SESTD1: variants seen among roughly 807,000 people sequenced by gnomAD.
SESTD1 encodes the protein SEC14 domain and spectrin repeat-containing protein 1.
SESTD1 carries 43 observed loss-of-function variants against 101.7 expected under a neutral mutation model. The observed-to-expected ratio is 0.42, with a 90% CI of 0.33 to 0.55. The LOEUF is 0.55. Among genes scored for constraint, SESTD1 ranks in the 20% least tolerant of loss-of-function variants. The pLI is 0.07. For missense variants in SESTD1, 647 were observed against 815.1 expected (o/e 0.79, Z 2.51); for synonymous variants, 283 against 286.8 (o/e 0.99, Z 0.13).
At chr2:179,261,188 G>A (rs1044705634) in intron 1 of SESTD1, among the ~76,000 whole-genome samples, 21 of 152,164 alleles carry the variant, frequency 1.4e-4, no homozygotes, top group Admixed American at 6.5e-5. Context: ...AGAAGAAAAG[G>A]AATTTATTTG....
intron 9 of SESTD1, among the ~76,000 whole-genome samples, chr2:179,142,917 T>C (rs1378191461): frequency 6.6e-6 from 1 of 152,206 alleles, no homozygotes; most frequent in Non-Finnish European, 1.5e-5. Flanking sequence ...GAGGAATCAC[T>C]TAATAAATGT....
chr2:179,116,467 C>T (rs183032560), intron 15 of SESTD1: 10 of 698,916 alleles, frequency 1.4e-5, no homozygotes, highest in African/African-American at 8.9e-5. Context: ...CCATGCAGAA[C>T]ATGTATTCAG....
intron 6 of SESTD1, among the ~76,000 whole-genome samples, chr2:179,149,844 G>A (rs1476434850): frequency 1.3e-5 from 2 of 152,286 alleles, no homozygotes; most frequent in Admixed American, 6.5e-5. Flanking sequence ...TAATTTTAAT[G>A]ATTTCTTCAA....
At chr2:179,255,997 T>TA (rs1008792250) in intron 1 of SESTD1, among the ~76,000 whole-genome samples, 4 of 151,986 alleles carry the variant, frequency 2.6e-5, no homozygotes, top group Admixed American at 2.6e-4. Context: ...CTTTTAAGCC[T>TA]ACTATTAAGA....
chr2:179,186,404 T>C (rs11897308), intron 2 of SESTD1, among the ~76,000 whole-genome samples: 13,988 of 152,132 alleles, frequency 0.092, 2,127 homozygotes, highest in African/African-American at 0.32. Flanking sequence ...CAAGTGTATA[T>C]AAACAGTTTT....
At chr2:179,177,221 C>T (rs2046026716) in intron 3 of SESTD1, among the ~76,000 whole-genome samples, 1 of 152,166 alleles carries the variant, frequency 6.6e-6, no homozygotes, top group Non-Finnish European at 1.5e-5. Flanking sequence ...GAAGTCTAAC[C>T]TAGTAAAACG....
chr2:179,176,412 T>C (rs891034743), intron 4 of SESTD1, 36 bp downstream of exon 4: 2 of 1,516,934 alleles, frequency 1.3e-6, no homozygotes, highest in African/African-American at 2.7e-5. Context: ...TGCTGTAAAA[T>C]AAAAACCATT....
Position 179,105,570 on chromosome 2 carries a change from A to T in SESTD1, c.*4329T>A, listed in dbSNP as rs904967662. 4 of 152,124 alleles carry T rather than the reference A, an allele frequency of 2.6e-5. No homozygotes were observed. In the East Asian group the frequency reaches 5.8e-4, roughly 22 times the overall value. The allele number at this position is 152,124 out of a possible 1,614,324, so 9.4% of individuals were successfully genotyped here. On this transcript the variant is annotated 3_prime_UTR_variant, in exon 18 of 18. Transcript: ENST00000428443. ...GGGTGGGGCGGCGAACATAGGCAAT[A>T]TGCCATTTCCTCACCATCCCATGCT...
chr2:179,176,354 G>T, intron 4 of SESTD1, 94 bp downstream of exon 4: 1 of 898,838 alleles, frequency 1.1e-6, no homozygotes, highest in Non-Finnish European at 1.8e-6. Context: ...AGGAAGCCAG[G>T]CACAGTCCAA....
In SESTD1 at chr2:179,124,440, T is replaced by C; in HGVS notation, c.1091A>G (p.Tyr364Cys). 2 of 1,614,154 alleles carry C rather than the reference T, an allele frequency of 1.2e-6. No homozygotes were observed. Among genetic ancestry groups the C allele is most frequent in the Non-Finnish European group, 1.7e-6 (2 of 1,180,002 alleles). The change falls in exon 11 of 18, where the codon TAT (tyrosine) becomes TGT (cysteine). Residue 364 changes from tyrosine (Y) to cysteine (C), a missense_variant. By Grantham distance (194) the Tyr-to-Cys change is radical. Coordinates refer to ENST00000428443, the MANE Select transcript of SESTD1 (RefSeq NM_178123.5). ...AAATTCCAGCTGACTGGCCTGTCGATAACAAACATCACTAAGTTGTTGCTG... is the reference window on the plus strand; with the variant it reads ...AAATTCCAGCTGACTGGCCTGTCGACAACAAACATCACTAAGTTGTTGCTG... ...SLQQQLSDVC[Y>C]RQASQLEFRQ...
chr2:179,204,572 C>A (rs912589387), intron 1 of SESTD1, among the ~76,000 whole-genome samples: 1 of 134,876 alleles, frequency 7.4e-6, no homozygotes, highest in African/African-American at 2.9e-5. Flanking sequence ...ATGTTCAGGA[C>A]AATTTGAATC....
chr2:179,212,583 AGACAACTTC>A (rs1388094914), intron 1 of SESTD1, among the ~76,000 whole-genome samples: 2 of 136,402 alleles, frequency 1.5e-5, no homozygotes, highest in East Asian at 4.0e-4. Context: ...AAGAGGCAGC[AGACAACTTC>A]TGCAGACTTA....
At chr2:179,112,287 G>A (rs1318398379) in intron 17 of SESTD1, among the ~76,000 whole-genome samples, 1 of 152,154 alleles carries the variant, frequency 6.6e-6, no homozygotes, top group Admixed American at 6.5e-5. Flanking sequence ...TTCTTCATTT[G>A]TAAATCAGGA....
intron 10 of SESTD1, among the ~76,000 whole-genome samples, chr2:179,124,827 T>C (rs988003430): frequency 1.3e-5 from 2 of 152,160 alleles, no homozygotes; most frequent in Non-Finnish European, 2.9e-5. Flanking sequence ...ACTGTTTCCA[T>C]GTCTGACATA....
At chr2:179,222,207 T>C (rs1037201916) in intron 1 of SESTD1, among the ~76,000 whole-genome samples, 13 of 152,020 alleles carry the variant, frequency 8.6e-5, no homozygotes, top group Non-Finnish European at 1.9e-4. Context: ...TTCCAAAGAG[T>C]TGTTCTCCCT....
intron 5 of SESTD1, among the ~76,000 whole-genome samples, chr2:179,158,351 G>A (rs2045669015): frequency 6.6e-6 from 1 of 152,090 alleles, no homozygotes; most frequent in Non-Finnish European, 1.5e-5. Flanking sequence ...ACACTGGTTA[G>A]CCTTACCATA....
chr2:179,152,681 T>C (rs1044796942), intron 5 of SESTD1, among the ~76,000 whole-genome samples: 8 of 152,078 alleles, frequency 5.3e-5, no homozygotes, highest in African/African-American at 1.4e-4. Flanking sequence ...GAAAATTTCA[T>C]CCTCAGGAAG....
chr2:179,251,852 C>T (rs1035760858), intron 1 of SESTD1, among the ~76,000 whole-genome samples: 1 of 152,112 alleles, frequency 6.6e-6, no homozygotes, highest in Non-Finnish European at 1.5e-5. Flanking sequence ...CAAAATCTGC[C>T]GTGCTTGGAT....
intron 17 of SESTD1, among the ~76,000 whole-genome samples, chr2:179,111,333 T>TG (rs112079429): frequency 1.3e-5 from 2 of 152,360 alleles, no homozygotes; most frequent in African/African-American, 4.8e-5. Flanking sequence ...AAATAATCAC[T>TG]GGAAGATCAT....
Sources: allele counts gnomAD v4.1 joint callset (sites outside exome capture counted in the v4.1 genomes callset), GRCh38; gene constraint gnomAD v4.1.1; transcripts MANE v1.5; gene names NCBI Gene and HGNC (gene_info 2026-07-23, HGNC 2026-07-21).